The following PTGFRN variants were observed in gnomAD, a reference collection of about 807,000 sequenced individuals.
PTGFRN encodes the protein prostaglandin F2 receptor inhibitor.
PTGFRN carries 35 observed loss-of-function variants against 83.2 expected under a neutral mutation model. That is an observed-to-expected ratio of 0.42 (90% CI 0.32 to 0.56). The LOEUF is 0.56. Among genes scored for constraint, PTGFRN ranks in the 20% least tolerant of loss-of-function variants. The pLI, the probability that PTGFRN is intolerant of heterozygous loss-of-function variation, is 0.11. For synonymous variants in PTGFRN, 519 were observed against 498.6 expected (o/e 1.04, Z -0.55); for missense variants, 1,051 against 1,179.5 (o/e 0.89, Z 1.60).
At chr1:116,939,282 G>A in intron 1 of PTGFRN, among the ~76,000 whole-genome samples, 1 of 152,228 alleles carries the variant, frequency 6.6e-6, no homozygotes, top group South Asian at 2.1e-4. Context: ...CTCCATGAGA[G>A]CCCCACCCCT....
intron 5 of PTGFRN, among the ~76,000 whole-genome samples, chr1:116,965,897 C>T (rs1050414655): frequency 6.6e-6 from 1 of 152,156 alleles, no homozygotes; most frequent in Admixed American, 6.5e-5. Context: ...AATGACCGAA[C>T]TCACAGGAAA....
At position 116,958,190 on chromosome 1, in the gene PTGFRN, G is replaced by A. The variant is rs1650551596; in HGVS notation, c.1214-3053G>A. 6.6e-6 allele frequency among the ~76,000 whole-genome samples: 1 copy of A among 152,184 alleles called. No individual in the cohort carries two copies. Among genetic ancestry groups the A allele is most frequent in the Non-Finnish European group, 1.5e-5 (1 of 68,038 alleles). On this transcript the variant is annotated intron_variant, in intron 4 of 8. Transcript: ENST00000393203. This position sits in a 1 kb window ranked among gnomAD's most constrained non-coding sequence, Gnocchi z 4.9. ...TCAAAGGGTCTGTCACCTGTGAGGA[G>A]ACAGAAGAGGAGTCCCCACAGGCAA...
intron 5 of PTGFRN, among the ~76,000 whole-genome samples, chr1:116,963,279 C>T (rs754994659): frequency 3.9e-5 from 6 of 152,248 alleles, no homozygotes; most frequent in Non-Finnish European, 8.8e-5. Context: ...TAAGTGATTA[C>T]TGCATACCAC....
At chr1:116,919,785 A>G (rs1220712735) in intron 1 of PTGFRN, among the ~76,000 whole-genome samples, 1 of 152,262 alleles carries the variant, frequency 6.6e-6, no homozygotes, top group African/African-American at 2.4e-5. Context: ...CTTTGAAAAC[A>G]CTGAAAGGAA....
rs1392976105 is a variant in PTGFRN, at chr1:116,941,779, G to C, written c.114G>C (p.Glu38Asp). 1.2e-6 allele frequency: 2 copies of C among 1,614,084 alleles called. No homozygotes were observed. Among genetic ancestry groups the C allele is most frequent in the East Asian group, 2.2e-5 (1 of 44,896 alleles). Reference sequence around the variant, plus strand: ...CCCTGGTTCGAGTGGTGGGCACTGAGCTGGTCATCCCCTGCAACGTCAGTG... The same window carrying C: ...CCCTGGTTCGAGTGGTGGGCACTGACCTGGTCATCCCCTGCAACGTCAGTG... ...TATLVRVVGTELVIPCNVSDY... is the reference protein window; with the variant it reads ...TATLVRVVGTDLVIPCNVSDY... Residue 38 changes from glutamate to aspartate, a missense_variant, in exon 2 of 9, where the codon GAG (glutamate) becomes GAC (aspartate). Transcript: ENST00000393203. This position sits in a 1 kb window ranked among gnomAD's most constrained non-coding sequence, Gnocchi z 5.0.
chr1:116,986,675 A>T, intron 8 of PTGFRN, 126 bp from the exon 9 acceptor site: 1 of 860,378 alleles, frequency 1.2e-6, no homozygotes, highest in Non-Finnish European at 1.8e-6. Flanking sequence ...TAGGTGCTAG[A>T]TGCAGGAGGA....
chr1:116,951,189 G>A (rs76900735), intron 4 of PTGFRN, among the ~76,000 whole-genome samples: 15,721 of 152,140 alleles, frequency 0.1, 910 homozygotes, highest in Middle Eastern at 0.17. Flanking sequence ...CATTGATCCC[G>A]GCATACCCGG....
At chr1:116,963,162 G>A (rs1650721136) in intron 5 of PTGFRN, among the ~76,000 whole-genome samples, 5 of 152,220 alleles carry the variant, frequency 3.3e-5, no homozygotes, top group Admixed American at 2.6e-4. Flanking sequence ...ATTCAAACAT[G>A]TTGACTGGTC....
At position 116,986,024 on chromosome 1, in the gene PTGFRN, G is replaced by C. The variant is rs147547872; in HGVS notation, c.2474-777G>C. 3.9e-3 allele frequency among the ~76,000 whole-genome samples: 601 copies of C among 152,358 alleles called. 6 individuals carry two copies. Among genetic ancestry groups the C allele is most frequent in the African/African-American group, 0.013 (540 of 41,582 alleles). The stretch of plus-strand genomic sequence containing the variant: ...CTTTTGAGTGTTTCCCTAGTGATCA[G>C]TCAGATGGAAATTGGAGCCCTAGCT... On this transcript the variant is annotated intron_variant, in intron 8 of 8. Transcript: ENST00000393203.
chr1:116,954,371 A>G (rs574655394), intron 4 of PTGFRN, among the ~76,000 whole-genome samples: 6 of 152,202 alleles, frequency 3.9e-5, no homozygotes, highest in African/African-American at 4.8e-5. Context: ...TTGTTATACA[A>G]ATGGTGATCG....
In PTGFRN at chr1:116,986,935, C is replaced by T. The variant is rs934067584; in HGVS notation, c.2608C>T (p.Arg870Cys). The T allele has an allele frequency of 1.2e-6, 2 of 1,614,218 alleles. No individual in the cohort carries two copies. Among genetic ancestry groups the T allele is most frequent in the South Asian group, 1.1e-5 (1 of 91,086 alleles). ...KKEVQETRRE[R>C]RRLMSMEMD Reference sequence around the variant, plus strand: ...GGAGGTTCAGGAGACACGGCGCGAGCGCCGCAGGCTCATGTCGATGGAGAT... The same window carrying T: ...GGAGGTTCAGGAGACACGGCGCGAGTGCCGCAGGCTCATGTCGATGGAGAT... The change falls in exon 9 of 9, where the codon CGC becomes TGC. Residue 870 changes from arginine to cysteine, a missense_variant. Physicochemically the swap from Arg to Cys is radical, Grantham distance 180. Transcript: ENST00000393203.
At chr1:116,960,783 C>T (rs931279807) in intron 4 of PTGFRN, among the ~76,000 whole-genome samples, 1 of 152,122 alleles carries the variant, frequency 6.6e-6, no homozygotes, top group Non-Finnish European at 1.5e-5. Flanking sequence ...CACTGATGGG[C>T]CTCGAGTTCT....
At chr1:116,960,422 G>T (rs1166871932) in intron 4 of PTGFRN, among the ~76,000 whole-genome samples, 1 of 152,160 alleles carries the variant, frequency 6.6e-6, no homozygotes, top group East Asian at 1.9e-4. Flanking sequence ...TTAAATTGAT[G>T]CAGTGAACCC....
At chr1:116,951,349 A>T (rs1461115300) in intron 4 of PTGFRN, among the ~76,000 whole-genome samples, 2 of 152,236 alleles carry the variant, frequency 1.3e-5, no homozygotes, top group Non-Finnish European at 2.9e-5. Context: ...GTTACTATCC[A>T]AAGGATCCCG....
At position 116,984,900 on chromosome 1, in the gene PTGFRN, T is replaced by C. The variant is rs1302747528; in HGVS notation, c.2388T>C (p.Thr796=). The part of the protein sequence containing the change: ...QDFGNYYCSV[T]PWVKSPTGSW... ...TTGGCAACTACTACTGTTCCGTGAC[T>C]CCATGGGTGAAGTCACCAACAGGTT... Residue 796 remains threonine, a synonymous_variant, in exon 8 of 9, where the codon ACT becomes ACC. Coordinates refer to ENST00000393203, the MANE Select transcript of PTGFRN (RefSeq NM_020440.4). 6.2e-7 allele frequency: 1 copy of C among 1,614,052 alleles called. No homozygotes were observed. The highest frequency in any genetic ancestry group is 8.5e-7 in the Non-Finnish European group (1 of 1,180,008).
At chr1:116,985,707 C>CAA (rs34050341) in intron 8 of PTGFRN, among the ~76,000 whole-genome samples, 27,124 of 128,468 alleles carry the variant, frequency 0.21, 3,364 homozygotes, top group Admixed American at 0.37. Context: ...TACTCCATCT[C>CAA]AAAAAAAAAA....
At chr1:116,919,219 A>G (rs1195460125) in intron 1 of PTGFRN, among the ~76,000 whole-genome samples, 2 of 152,098 alleles carry the variant, frequency 1.3e-5, no homozygotes, top group African/African-American at 2.4e-5. Flanking sequence ...GAGGGGTGTG[A>G]CTTAGAAGCA....
rs1258546537 is a variant in PTGFRN at position 116,964,172 on chromosome 1, TAAC to T, written c.1639+2510_1639+2512del. Among the ~76,000 whole-genome samples, 19 of 152,340 alleles carry T rather than the reference TAAC, an allele frequency of 1.2e-4. 1 individual carries two copies. Among genetic ancestry groups the T allele is most frequent in the South Asian group, 8.3e-4 (4 of 4,830 alleles). Reference sequence around the variant, plus strand: ...GTCTACTTATTACTTTTTCCTTTTATAACAACAATATTTGACGTATATATACTC... The same window carrying T: ...GTCTACTTATTACTTTTTCCTTTTATAACAATATTTGACGTATATATACTC... On this transcript the variant is annotated intron_variant, in intron 5 of 8. Transcript: ENST00000393203.
chr1:116,985,909 CT>C (rs1251484375), intron 8 of PTGFRN, among the ~76,000 whole-genome samples: 1 of 152,124 alleles, frequency 6.6e-6, no homozygotes, highest in Non-Finnish European at 1.5e-5. Context: ...AACATGTCTC[CT>C]TTGTGGAAAA....
Sources: gnomAD v4.1 joint callset for allele counts (sites outside exome capture counted in the v4.1 genomes callset) on GRCh38, gnomAD v4.1.1 for gene constraint, Gnocchi (gnomAD v3.1) non-coding constraint, MANE v1.5 for transcripts, NCBI Gene and HGNC (gene_info 2026-07-23, HGNC 2026-07-21) for gene names.